PLIN2: variants seen among roughly 807,000 people sequenced by gnomAD.
PLIN2 encodes perilipin 2.
Under a neutral mutation model 30.6 loss-of-function variants are expected in PLIN2, and 33 were observed. That is an observed-to-expected ratio of 1.08 (90% CI 0.82 to 1.44). PLIN2 has a LOEUF of 1.44. Among genes scored for constraint, PLIN2 ranks in the 40% most tolerant of loss-of-function variants. The pLI is 0.00. For missense variants in PLIN2, 610 were observed against 531.8 expected (o/e 1.15, Z -1.45); for synonymous variants, 205 against 201.1 (o/e 1.02, Z -0.16).
chr9:19,116,644 A>G lies in PLIN2; in HGVS notation c.918T>C (p.Ile306=), dbSNP rs751479398. The G allele has an allele frequency of 6.2e-6, 10 of 1,609,908 alleles. No homozygotes were observed. Among genetic ancestry groups the G allele is most frequent in the Admixed American group, 3.3e-5 (2 of 59,880 alleles). Residue 306 remains isoleucine, a synonymous_variant, in exon 8 of 8, where the codon ATT becomes ATC. Transcript: ENST00000276914. ...DTDESHCAEH[I]ESRTLAIARN... ...GGGCAATTGCAAGAGTACGTGACTC[A>G]ATGTGCTAAAAATAAAACTTAAAAT...
rs757020823 is a variant in PLIN2 at position 19,121,175 on chromosome 9, G to C, written c.310-10C>G. 6.2e-7 allele frequency: 1 copy of C among 1,612,408 alleles called. No individual in the cohort carries two copies. On this transcript the variant is annotated splice_polypyrimidine_tract_variant and intron_variant, in intron 4 of 7. Transcript: ENST00000276914. Reference sequence around the variant, plus strand: ...TGGCATTGGCAACAATCTGTAAGTAGAAAAGCAGATCCCCTGGCTGGTGAG... The same window carrying C: ...TGGCATTGGCAACAATCTGTAAGTACAAAAGCAGATCCCCTGGCTGGTGAG...
In PLIN2 at chr9:19,126,235, A is replaced by G; in HGVS notation, c.105T>C (p.Ser35=). The change falls in exon 3 of 8, where the codon AGT becomes AGC. Residue 35 remains serine, a synonymous_variant. Coordinates refer to ENST00000276914, the MANE Select transcript of PLIN2 (RefSeq NM_001122.4). ...TYDLMSSAYL[S]TKDQYPYLKS... The stretch of plus-strand genomic sequence containing the variant: ...TCAGGTAGGGATACTGGTCCTTTGT[A>G]CTGAGATAGGCTGAGGACATGAGGT... The G allele has an allele frequency of 6.2e-7, 1 of 1,614,124 alleles. No individual in the cohort carries two copies. Among genetic ancestry groups the G allele is most frequent in the Non-Finnish European group, 8.5e-7 (1 of 1,179,966 alleles).
intron 4 of PLIN2, chr9:19,123,211 T>C (rs1196276516): frequency 8.1e-6 from 6 of 737,876 alleles, no homozygotes; most frequent in African/African-American, 3.5e-5. Context: ...CCTGGCAGCA[T>C]TGTACAAGCC....
chr9:19,114,362 G>A (rs1309521268), downstream of PLIN2, among the ~76,000 whole-genome samples: 1 of 152,000 alleles, frequency 6.6e-6, no homozygotes, highest in Non-Finnish European at 1.5e-5. Flanking sequence ...GGGCAGCCCT[G>A]CTTACCTTTT....
At position 19,119,752 on chromosome 9, in the gene PLIN2, G is replaced by C. The variant is rs754301189; in HGVS notation, c.675C>G (p.Thr225=). The C allele has an allele frequency of 1.2e-6, 2 of 1,611,614 alleles. No homozygotes were observed. Among genetic ancestry groups the C allele is most frequent in the Admixed American group, 1.7e-5 (1 of 59,904 alleles). Residue 225 remains threonine, a synonymous_variant, in exon 6 of 8, where the codon ACC becomes ACG. Transcript: ENST00000276914. ...GCTGGTAGGCACGGGAGTGAAGCTTGGTAGACAGGGATCCCAGTCTAACAT... is the reference window on the plus strand; with the variant it reads ...GCTGGTAGGCACGGGAGTGAAGCTTCGTAGACAGGGATCCCAGTCTAACAT... ...SYYVRLGSLS[T]KLHSRAYQQA...
chr9:19,113,977 TTGGCCAGGC>T (rs1421842435), downstream of PLIN2, among the ~76,000 whole-genome samples: 1 of 152,128 alleles, frequency 6.6e-6, no homozygotes, highest in Non-Finnish European at 1.5e-5. Flanking sequence ...GTTTACCATG[TTGGCCAGGC>T]TGGCCACTGT....
chr9:19,120,329 G>A (rs567888135), intron 5 of PLIN2, among the ~76,000 whole-genome samples: 9 of 152,250 alleles, frequency 5.9e-5, no homozygotes, highest in African/African-American at 2.2e-4. Context: ...GGGATTGTAG[G>A]CATGCATGCA....
At chr9:19,118,241 CAT>C in intron 7 of PLIN2, 78 bp downstream of exon 7, 1 of 1,337,654 alleles carries the variant, frequency 7.5e-7, no homozygotes, top group Admixed American at 2.2e-5. Context: ...TATTCTAAGA[CAT>C]AGTATGGAAA....
At chr9:19,115,329 A>G (rs977786664), downstream of PLIN2, among the ~76,000 whole-genome samples, 14 of 136,986 alleles carry the variant, frequency 1.0e-4, no homozygotes, top group African/African-American at 3.3e-4. Context: ...TTTTTTTGAG[A>G]TGGAGTCTTG....
downstream of PLIN2, among the ~76,000 whole-genome samples, chr9:19,114,828 G>C (rs1818198670): frequency 6.6e-6 from 1 of 152,194 alleles, no homozygotes; most frequent in African/African-American, 2.4e-5. Flanking sequence ...GGATACCATA[G>C]GCAGGAGGTA....
intron 3 of PLIN2, among the ~76,000 whole-genome samples, chr9:19,123,856 T>C (rs759405830): frequency 4.0e-5 from 6 of 151,886 alleles, no homozygotes; most frequent in Admixed American, 6.6e-5. Flanking sequence ...CCGTCTCTAC[T>C]AAAAATACAA....
chr9:19,112,967 CTT>C (rs80091463), downstream of PLIN2, among the ~76,000 whole-genome samples: 5 of 144,788 alleles, frequency 3.5e-5, no homozygotes, highest in African/African-American at 5.1e-5. Context: ...GACTACAATT[CTT>C]TTTTTTTTTT....
In PLIN2 at chr9:19,123,566, T is replaced by G; in HGVS notation, c.308A>C (p.Gln103Pro). Residue 103 changes from glutamine (Q) to proline (P), a missense_variant and splice_region_variant, in exon 4 of 8, where the codon CAG becomes CCG. Transcript: ENST00000276914. ...TCAGCACTTTTGTCCCAAGCTCACC[T>G]GAGTTGATGGCTGATTCAGAATAGG... ...RLPILNQPSTQIVANAKGAVT... is the reference protein window; with the variant it reads ...RLPILNQPSTPIVANAKGAVT... The G allele has an allele frequency of 6.2e-7, 1 of 1,614,198 alleles. No homozygotes were observed. The highest frequency in any genetic ancestry group is 8.5e-7 in the Non-Finnish European group (1 of 1,180,020).
In PLIN2 at chr9:19,116,054, C is replaced by T. The variant is rs1818216219; in HGVS notation, c.*194G>A. The T allele has an allele frequency of 2.0e-6, 1 of 499,530 alleles. No homozygotes were observed. Among genetic ancestry groups the T allele is most frequent in the Non-Finnish European group, 3.5e-6 (1 of 288,954 alleles). 30.9% of individuals were successfully genotyped at this position (499,530 alleles called of 1,614,324 possible). A position where few individuals can be genotyped will look rare whatever the true frequency, so the allele number is the denominator to read the frequency against. On this transcript the variant is annotated 3_prime_UTR_variant, in exon 8 of 8. Coordinates refer to ENST00000276914, the MANE Select transcript of PLIN2 (RefSeq NM_001122.4). ...GCTCTGACAAGCCTATCATTCTTTT[C>T]TTACCAGGTGAACAGAAATCATCTG...
At chr9:19,123,128 C>T in intron 4 of PLIN2, 1 of 514,856 alleles carries the variant, frequency 1.9e-6, no homozygotes, top group Non-Finnish European at 3.5e-6. Flanking sequence ...TTATCTGAAC[C>T]AAAGGATCAC....
chr9:19,112,124 A>T (rs1234424943), downstream of PLIN2, among the ~76,000 whole-genome samples: 1 of 152,210 alleles, frequency 6.6e-6, no homozygotes, highest in Non-Finnish European at 1.5e-5. Context: ...ATAGATGAGA[A>T]AACTAAGGCT....
At chr9:19,119,104 A>C (rs1002177366) in intron 6 of PLIN2, among the ~76,000 whole-genome samples, 14 of 152,252 alleles carry the variant, frequency 9.2e-5, no homozygotes, top group African/African-American at 3.4e-4. Context: ...CCTTCTAAGA[A>C]GAAATGGTTT....
At chr9:19,112,530 G>A (rs1364351995), downstream of PLIN2, among the ~76,000 whole-genome samples, 1 of 151,962 alleles carries the variant, frequency 6.6e-6, no homozygotes, top group Non-Finnish European at 1.5e-5. Flanking sequence ...GCAACATGGT[G>A]AAACCCCATC....
chr9:19,125,880 G>A (rs897674889), intron 3 of PLIN2: 13 of 394,800 alleles, frequency 3.3e-5, no homozygotes, highest in Non-Finnish European at 5.5e-5. Context: ...CCAAGACTGC[G>A]CCACTGAACT....
Sources: allele counts gnomAD v4.1 joint callset (sites outside exome capture counted in the v4.1 genomes callset), GRCh38; gene constraint gnomAD v4.1.1; transcripts MANE v1.5; gene names NCBI Gene and HGNC (gene_info 2026-07-23, HGNC 2026-07-21).